ASH1L: variants seen among roughly 807,000 people sequenced by gnomAD.
ASH1L encodes ASH1 like histone lysine methyltransferase.
A neutral mutation model predicts 269.0 loss-of-function variants in ASH1L; 23 were observed. The ratio of observed to expected loss-of-function variants is 0.09; its 90% confidence interval spans 0.06 to 0.12. ASH1L has a LOEUF of 0.12. ASH1L is among the 10% of genes least tolerant of loss of function. The probability of loss-of-function intolerance (pLI) is 1.00; values close to 1 mark genes in which losing one functional copy is unlikely to be tolerated. For synonymous variants in ASH1L, 1,187 were observed against 1,253.5 expected (o/e 0.95, Z 1.12); for missense variants, 2,912 against 3,567.8 (o/e 0.82, Z 4.68).
chr1:155,452,089 A>G (rs1663521285), intron 4 of ASH1L, among the ~76,000 whole-genome samples: 2 of 149,062 alleles, frequency 1.3e-5, no homozygotes, highest in Non-Finnish European at 3.0e-5. Flanking sequence ...CCCAGGCTAG[A>G]ATGCAGTGGC....
At chr1:155,422,717 C>T (rs1257036238) in intron 5 of ASH1L, among the ~76,000 whole-genome samples, 4 of 150,434 alleles carry the variant, frequency 2.7e-5, no homozygotes, top group South Asian at 2.1e-4. Flanking sequence ...GGCGTGATCT[C>T]GGCTCACTGC....
intron 8 of ASH1L, among the ~76,000 whole-genome samples, chr1:155,379,217 A>T (rs2148440962): frequency 6.6e-6 from 1 of 152,302 alleles, no homozygotes; most frequent in African/African-American, 2.4e-5. Flanking sequence ...TATTGGAATA[A>T]TCCCACCATT....
chr1:155,363,185 G>A (rs1319897244), intron 12 of ASH1L, among the ~76,000 whole-genome samples: 2 of 151,938 alleles, frequency 1.3e-5, no homozygotes, highest in Non-Finnish European at 1.5e-5. Flanking sequence ...ATTTCTCCAC[G>A]TTGGTCAGGC....
At chr1:155,367,888 T>C (rs909775516) in intron 12 of ASH1L, among the ~76,000 whole-genome samples, 2 of 152,248 alleles carry the variant, frequency 1.3e-5, no homozygotes, top group Non-Finnish European at 2.9e-5. Flanking sequence ...TTTTTGTGTC[T>C]ATGTTCATGG....
chr1:155,404,805 G>A (rs752891877), intron 6 of ASH1L, among the ~76,000 whole-genome samples: 18 of 152,056 alleles, frequency 1.2e-4, no homozygotes, highest in Non-Finnish European at 2.4e-4. Context: ...TGAGGCAGGC[G>A]GATCACGAGG....
chr1:155,406,524 T>C (rs1461363095), intron 6 of ASH1L, among the ~76,000 whole-genome samples: 1 of 152,094 alleles, frequency 6.6e-6, no homozygotes, highest in Non-Finnish European at 1.5e-5. Flanking sequence ...GGCAACATAA[T>C]GAGGCCTTGT....
At chr1:155,442,548 C>A (rs529958883) in intron 4 of ASH1L, among the ~76,000 whole-genome samples, 7,730 of 148,046 alleles carry the variant, frequency 0.052, 680 homozygotes, top group African/African-American at 0.19. Flanking sequence ...ACGCCACTGC[C>A]CTCCAGCCTG....
intron 5 of ASH1L, among the ~76,000 whole-genome samples, chr1:155,424,193 G>C (rs926134252): frequency 1.1e-4 from 17 of 152,020 alleles, no homozygotes; most frequent in Admixed American, 1.0e-3. Flanking sequence ...GGTCATTCAA[G>C]GTTTATGGAA....
At chr1:155,552,181 T>C (rs1034428340) in intron 1 of ASH1L, among the ~76,000 whole-genome samples, 2 of 151,494 alleles carry the variant, frequency 1.3e-5, no homozygotes, top group Admixed American at 6.6e-5. Flanking sequence ...AATAAATATA[T>C]GAAGGCCGGG....
chr1:155,384,249 T>G (rs1380633633), intron 7 of ASH1L, among the ~76,000 whole-genome samples: 2 of 152,202 alleles, frequency 1.3e-5, no homozygotes, highest in East Asian at 3.8e-4. Context: ...GGCAACAAAC[T>G]CTCTTAGTTT....
chr1:155,395,615 TACAGATA>T (rs1214179412), intron 6 of ASH1L, 62 bp from the exon 7 acceptor site: 19 of 1,179,514 alleles, frequency 1.6e-5, no homozygotes, highest in Admixed American at 2.1e-5. Flanking sequence ...TGTGGTCAAA[TACAGATA>T]ACAGATCATC....
chr1:155,520,023 G>A (rs1459242462), intron 2 of ASH1L, among the ~76,000 whole-genome samples: 1 of 152,084 alleles, frequency 6.6e-6, no homozygotes, highest in Non-Finnish European at 1.5e-5. Flanking sequence ...AATGGTTATG[G>A]AGTTTTAATT....
At chr1:155,391,049 G>A (rs1657889760) in intron 7 of ASH1L, among the ~76,000 whole-genome samples, 2 of 148,036 alleles carry the variant, frequency 1.4e-5, no homozygotes, top group East Asian at 2.0e-4. Context: ...GGGTTCAAGC[G>A]ATTGTCCTGC....
chr1:155,385,425 C>A (rs1454143864), intron 7 of ASH1L, among the ~76,000 whole-genome samples: 1 of 152,092 alleles, frequency 6.6e-6, no homozygotes, highest in Non-Finnish European at 1.5e-5. Flanking sequence ...GACTGGGCAA[C>A]AGAGCAAGAA....
intron 2 of ASH1L, among the ~76,000 whole-genome samples, chr1:155,489,835 T>TAAATAAAC (rs894162203): frequency 6.6e-6 from 1 of 150,618 alleles, no homozygotes; most frequent in Non-Finnish European, 1.5e-5. Context: ...AATAAATAAA[T>TAAATAAAC]AACAATATGG....
At chr1:155,434,880 G>C (rs2148607950) in intron 5 of ASH1L, among the ~76,000 whole-genome samples, 1 of 151,858 alleles carries the variant, frequency 6.6e-6, no homozygotes, top group Non-Finnish European at 1.5e-5. Context: ...ATTTAGTGCT[G>C]GGTGTGGTGA....
At chr1:155,458,484 G>A (rs1053339618) in intron 4 of ASH1L, among the ~76,000 whole-genome samples, 1 of 152,192 alleles carries the variant, frequency 6.6e-6, no homozygotes, top group African/African-American at 2.4e-5. Context: ...GGAGGCTGAG[G>A]CCGGCAGATC....
intron 4 of ASH1L, among the ~76,000 whole-genome samples, chr1:155,451,197 CAAAA>C (rs71080705): frequency 3.6e-5 from 3 of 84,142 alleles, no homozygotes; most frequent in Non-Finnish European, 2.4e-5. Context: ...AACTCCACCT[CAAAA>C]AAAAAAAAAA....
chr1:155,346,601 G>A (rs1014134810), intron 20 of ASH1L, 132 bp from the exon 21 acceptor site: 3 of 701,220 alleles, frequency 4.3e-6, no homozygotes, highest in Non-Finnish European at 5.0e-6. Flanking sequence ...CTGGGTGAAT[G>A]ATAAATTAGA....
Sources: gnomAD v4.1 joint callset for allele counts (sites outside exome capture counted in the v4.1 genomes callset) on GRCh38, gnomAD v4.1.1 for gene constraint, MANE v1.5 for transcripts, NCBI Gene and HGNC (gene_info 2026-07-23, HGNC 2026-07-21) for gene names.